The following LRCH1 variants were observed in gnomAD, a reference collection of about 807,000 sequenced individuals.
LRCH1 encodes leucine-rich repeat and calponin homology domain-containing protein 1.
LRCH1 carries 23 observed loss-of-function variants against 94.9 expected under a neutral mutation model. That is an observed-to-expected ratio of 0.24 (90% CI 0.17 to 0.34). The LOEUF (loss-of-function observed/expected upper bound fraction) is 0.34, where lower values mean the gene tolerates loss of function less well. Ranked by LOEUF, LRCH1 falls within the 10% of genes least tolerant of loss-of-function variation. LRCH1 has a pLI of 1.00. For synonymous variants in LRCH1, 364 were observed against 354.9 expected (o/e 1.03, Z -0.29); for missense variants, 790 against 945.9 (o/e 0.84, Z 2.16).
Position 46,553,538 on chromosome 13 carries a change from G to C in LRCH1, c.142G>C (p.Gly48Arg), listed in dbSNP as rs1375044982. ...CGGCGCCCCCGGCGGGGCGGGTGGTGGCGGCGGTGGCAGCGGGGGCTTCAA... is the reference window on the plus strand; with the variant it reads ...CGGCGCCCCCGGCGGGGCGGGTGGTCGCGGCGGTGGCAGCGGGGGCTTCAA... ...GTGAPGGAGG[G>R]GGGSGGFNLP... Residue 48 changes from glycine to arginine, a missense_variant, in exon 1 of 20, where the codon GGC (glycine) becomes CGC (arginine). This residue lies in a region of LRCH1 where 136 missense variants were observed against 143.5 expected (regional missense o/e 0.95). Transcript: ENST00000389797. 1.4e-5 allele frequency: 21 copies of C among 1,546,442 alleles called. No homozygotes were observed. Among genetic ancestry groups the C allele is most frequent in the Non-Finnish European group, 1.8e-5 (21 of 1,144,590 alleles).
intron 1 of LRCH1, among the ~76,000 whole-genome samples, chr13:46,619,829 C>T (rs1481995624): frequency 2.0e-5 from 3 of 152,168 alleles, no homozygotes; most frequent in Non-Finnish European, 4.4e-5. Context: ...GCTAAAATAG[C>T]TCCTTACGTT....
chr13:46,602,942 C>T (rs1049759034), intron 1 of LRCH1, among the ~76,000 whole-genome samples: 19 of 148,858 alleles, frequency 1.3e-4, no homozygotes, highest in Admixed American at 5.4e-4. Flanking sequence ...GAGCAAGACC[C>T]GGTCAACAAA....
intron 1 of LRCH1, among the ~76,000 whole-genome samples, chr13:46,616,659 A>T (rs918215562): frequency 6.6e-6 from 1 of 152,378 alleles, no homozygotes; most frequent in Non-Finnish European, 1.5e-5. Flanking sequence ...AAGGCAACTG[A>T]TCTGAAACAT....
intron 3 of LRCH1, among the ~76,000 whole-genome samples, chr13:46,675,262 T>G (rs2051655753): frequency 6.6e-6 from 1 of 152,200 alleles, no homozygotes; most frequent in African/African-American, 2.4e-5. Context: ...TAGAACACAA[T>G]AAAATTGAGA....
At chr13:46,606,778 G>C (rs1386391993) in intron 1 of LRCH1, among the ~76,000 whole-genome samples, 1 of 152,146 alleles carries the variant, frequency 6.6e-6, no homozygotes, top group East Asian at 1.9e-4. Flanking sequence ...CACCATGTTG[G>C]CCAGGCTGGT....
At chr13:46,601,030 A>G (rs1012730133) in intron 1 of LRCH1, among the ~76,000 whole-genome samples, 3 of 152,226 alleles carry the variant, frequency 2.0e-5, no homozygotes, top group East Asian at 1.9e-4. Context: ...AATCAGATCT[A>G]TACTTTGGGG....
chr13:46,582,573 C>T (rs1594260979), intron 1 of LRCH1, among the ~76,000 whole-genome samples: 1 of 148,206 alleles, frequency 6.7e-6, no homozygotes, highest in South Asian at 2.2e-4. Context: ...TAGCCTTGAC[C>T]TCCCGGGCTC....
At chr13:46,624,869 T>G (rs1396541372) in intron 1 of LRCH1, among the ~76,000 whole-genome samples, 1 of 152,250 alleles carries the variant, frequency 6.6e-6, no homozygotes, top group Non-Finnish European at 1.5e-5. Context: ...TAACATTTAC[T>G]TGTGGAGTGA....
chr13:46,705,340 A>G, intron 13 of LRCH1, 36 bp downstream of exon 13: 1 of 1,598,578 alleles, frequency 6.3e-7, no homozygotes, highest in Non-Finnish European at 8.6e-7. Flanking sequence ...AACTCTGTGC[A>G]ATATTTTGCC....
intron 13 of LRCH1, among the ~76,000 whole-genome samples, chr13:46,710,332 G>A (rs866662564): frequency 5.3e-5 from 8 of 152,206 alleles, no homozygotes; most frequent in African/African-American, 9.7e-5. Flanking sequence ...GCAAGACACC[G>A]TGGCTGTGGG....
exon 19 of LRCH1, chr13:46,751,366 G>A (rs1874130935): frequency 6.6e-6 from 1 of 152,036 alleles, no homozygotes; most frequent in African/African-American, 2.4e-5. Flanking sequence ...TTTCTGGGGA[G>A]GCAATATTGA....
At chr13:46,628,764 A>G (rs1566186529) in intron 1 of LRCH1, among the ~76,000 whole-genome samples, 2 of 151,910 alleles carry the variant, frequency 1.3e-5, no homozygotes, top group South Asian at 2.1e-4. Context: ...CAGCCTCACT[A>G]TGAATTTCAC....
intron 2 of LRCH1, among the ~76,000 whole-genome samples, chr13:46,663,970 T>C (rs1486418062): frequency 2.6e-5 from 4 of 152,228 alleles, no homozygotes; most frequent in Admixed American, 6.5e-5. Context: ...TATTCATGCT[T>C]TTCCAGTGAA....
chr13:46,744,802 ATACT>A lies in LRCH1; in HGVS notation c.*2956_*2959del. The A allele has an allele frequency of 2.0e-6, 2 of 984,210 alleles. No homozygotes were observed. The allele number at this position is 984,210 out of a possible 1,614,324, so 61.0% of individuals were successfully genotyped here. On this transcript the variant is annotated 3_prime_UTR_variant, in exon 20 of 20. Transcript: ENST00000389797. ...AAAGTTGTTTTGGATTAGGTGAAAA[ATACT>A]TTAATATGATTTTATTTCAGGAGAC...
intron 1 of LRCH1, among the ~76,000 whole-genome samples, chr13:46,562,970 C>A (rs1325559817): frequency 6.6e-6 from 1 of 152,158 alleles, no homozygotes; most frequent in East Asian, 1.9e-4. Flanking sequence ...AGAATCTTTT[C>A]GGTGGTTGGT....
intron 1 of LRCH1, among the ~76,000 whole-genome samples, chr13:46,573,866 A>ATATATATATATATTTTTTTTT: frequency 1.6e-5 from 1 of 63,420 alleles, no homozygotes; most frequent in Non-Finnish European, 3.2e-5. Context: ...ATATATATAT[A>ATATATATATATATTTTTTTTT]TTTTTTTTTT....
intron 1 of LRCH1, among the ~76,000 whole-genome samples, chr13:46,616,056 G>GTAA (rs2050804195): frequency 6.6e-6 from 1 of 152,188 alleles, no homozygotes; most frequent in Admixed American, 6.5e-5. Flanking sequence ...GTAAACATGG[G>GTAA]ACTTAGAATT....
intron 1 of LRCH1, among the ~76,000 whole-genome samples, chr13:46,628,518 G>A (rs553580819): frequency 6.6e-6 from 1 of 152,126 alleles, no homozygotes; most frequent in Non-Finnish European, 1.5e-5. Flanking sequence ...TTAGCTGGGC[G>A]TGGTGGCACG....
chr13:46,584,737 T>G lies in LRCH1; in HGVS notation c.307+31034T>G, dbSNP rs1029059938. On this transcript the variant is annotated intron_variant, in intron 1 of 19. Coordinates refer to ENST00000389797, the MANE Select transcript of LRCH1 (RefSeq NM_001164211.2). Reference sequence around the variant, plus strand: ...CTCTTAAGTGCTCTGAACTTAATCATTTTTTGTTTCTTAATTTTAACATGG... The same window carrying G: ...CTCTTAAGTGCTCTGAACTTAATCAGTTTTTGTTTCTTAATTTTAACATGG... Among the ~76,000 whole-genome samples the G allele has an allele frequency of 4.6e-5, 7 of 152,230 alleles. No individual in the cohort carries two copies. The East Asian group carries it at 7.7e-4, about 17-fold the overall frequency.
Sources: gnomAD v4.1 joint callset for allele counts (sites outside exome capture counted in the v4.1 genomes callset) on GRCh38, gnomAD v4.1.1 for gene constraint, gnomAD v4.1.1 regional missense constraint, MANE v1.5 for transcripts, NCBI Gene and HGNC (gene_info 2026-07-23, HGNC 2026-07-21) for gene names.